The following ZBTB20 variants were observed in gnomAD, a reference collection of about 807,000 sequenced individuals.
ZBTB20 encodes the protein zinc finger and BTB domain-containing protein 20.
ZBTB20 carries 9 observed loss-of-function variants against 56.9 expected under a neutral mutation model. The observed-to-expected ratio is 0.16, with a 90% CI of 0.10 to 0.28. The LOEUF (loss-of-function observed/expected upper bound fraction) is 0.28, where lower values mean the gene tolerates loss of function less well. Ranked by LOEUF, ZBTB20 falls within the 10% of genes least tolerant of loss-of-function variation. The pLI, the probability that ZBTB20 is intolerant of heterozygous loss-of-function variation, is 1.00. For synonymous variants in ZBTB20, 417 were observed against 420.7 expected, an observed-to-expected ratio of 0.99 and a Z score of 0.11; for missense variants, 655 against 1,003.0, an observed-to-expected ratio of 0.65 and a Z score of 4.69.
chr3:115,029,822 T>C lies in ZBTB20; in HGVS notation c.-507+41397A>G, dbSNP rs193147874. Among the ~76,000 whole-genome samples, 122 of 151,038 alleles carry C rather than the reference T, an allele frequency of 8.1e-4. No homozygotes were observed. The East Asian group carries it at 0.02, about 24-fold the overall frequency. On this transcript the variant is annotated intron_variant, in intron 2 of 11. Coordinates refer to ENST00000675478, the MANE Select transcript of ZBTB20 (RefSeq NM_001348800.3). ...AAATACAGAAGAATTTTTAATCTTA[T>C]CTTGGGTTGGAGAAGGTCTTCCTAA...
At chr3:114,423,376 A>G (rs1429167026) in intron 7 of ZBTB20, among the ~76,000 whole-genome samples, 3 of 152,252 alleles carry the variant, frequency 2.0e-5, no homozygotes, top group African/African-American at 7.2e-5. Flanking sequence ...ATAAAAGTTA[A>G]CAAAGAAGTT....
intron 10 of ZBTB20, among the ~76,000 whole-genome samples, chr3:114,362,451 T>A (rs912515583): frequency 1.3e-5 from 2 of 152,214 alleles, no homozygotes; most frequent in African/African-American, 4.8e-5. Flanking sequence ...AGTGGGAACC[T>A]CAGGGCGCAC....
intron 6 of ZBTB20, among the ~76,000 whole-genome samples, chr3:114,678,824 T>C (rs992738078): frequency 6.6e-6 from 1 of 152,188 alleles, no homozygotes; most frequent in Non-Finnish European, 1.5e-5. Context: ...ATCTATTATG[T>C]GCTAGGCCTT....
At chr3:114,899,234 GAA>G (rs759287966) in intron 4 of ZBTB20, among the ~76,000 whole-genome samples, 5 of 151,912 alleles carry the variant, frequency 3.3e-5, no homozygotes, top group African/African-American at 4.8e-5. Flanking sequence ...AACAGCAACA[GAA>G]ACACATGCAC....
At chr3:115,018,563 A>C (rs993706741) in intron 2 of ZBTB20, among the ~76,000 whole-genome samples, 3 of 151,430 alleles carry the variant, frequency 2.0e-5, no homozygotes, top group South Asian at 4.1e-4. Context: ...ATTTAGATTG[A>C]TATGTTCCCA....
At chr3:114,692,413 T>C (rs7356016) in intron 6 of ZBTB20, among the ~76,000 whole-genome samples, 2 of 152,160 alleles carry the variant, frequency 1.3e-5, no homozygotes, top group African/African-American at 4.8e-5. Context: ...CTATGGATTA[T>C]GCACAATGGA....
At chr3:114,589,882 A>G (rs1245612077) in intron 6 of ZBTB20, among the ~76,000 whole-genome samples, 1 of 152,170 alleles carries the variant, frequency 6.6e-6, no homozygotes. Flanking sequence ...AATTGATGGT[A>G]TATTTTTCCA....
chr3:114,766,899 T>C (rs911025019), intron 5 of ZBTB20, among the ~76,000 whole-genome samples: 2 of 151,990 alleles, frequency 1.3e-5, no homozygotes, highest in African/African-American at 2.4e-5. Context: ...TCATTCTCTC[T>C]AAAGAAAATA....
intron 4 of ZBTB20, among the ~76,000 whole-genome samples, chr3:114,823,820 A>G (rs1229213956): frequency 3.9e-5 from 6 of 152,054 alleles, no homozygotes; most frequent in Non-Finnish European, 7.4e-5. Flanking sequence ...CAATAAAACA[A>G]TTTTGTCAAT....
chr3:114,612,501 G>A (rs926080554), intron 6 of ZBTB20, among the ~76,000 whole-genome samples: 4 of 151,690 alleles, frequency 2.6e-5, no homozygotes, highest in East Asian at 1.9e-4. Context: ...TTTCTCCATC[G>A]TTTTATTAAA....
chr3:114,340,535 G>A (rs973247023), intron 11 of ZBTB20, among the ~76,000 whole-genome samples: 7 of 152,208 alleles, frequency 4.6e-5, no homozygotes, highest in Admixed American at 1.3e-4. Flanking sequence ...AAACAGTAAG[G>A]TAAATAATAA....
chr3:114,830,358 T>TACA (rs1407051462), intron 4 of ZBTB20, among the ~76,000 whole-genome samples: 1 of 151,988 alleles, frequency 6.6e-6, no homozygotes, highest in Non-Finnish European at 1.5e-5. Flanking sequence ...AAGCTTCCTT[T>TACA]ACAAGGACTT....
At chr3:114,794,955 A>G (rs1272251502) in intron 5 of ZBTB20, among the ~76,000 whole-genome samples, 1 of 152,132 alleles carries the variant, frequency 6.6e-6, no homozygotes, top group African/African-American at 2.4e-5. Context: ...AATACATTCT[A>G]GGAACAAAAC....
intron 7 of ZBTB20, among the ~76,000 whole-genome samples, chr3:114,463,811 C>T (rs771497158): frequency 6.6e-5 from 10 of 152,126 alleles, no homozygotes; most frequent in Admixed American, 2.0e-4. Context: ...AATTGAATTT[C>T]GCCTAAGTTG....
Position 115,125,800 on chromosome 3 carries a change from ATGT to A in ZBTB20, c.-703+21416_-703+21418del, listed in dbSNP as rs886422544. Reference sequence around the variant, plus strand: ...CATAATGTAAATGTATTCTAAAATAATGTTGTACATTAATGCACATAATTGTTG... The same window carrying A: ...CATAATGTAAATGTATTCTAAAATAATGTACATTAATGCACATAATTGTTG... On this transcript the variant is annotated intron_variant, in intron 1 of 11. Transcript: ENST00000675478. 3.5e-4 allele frequency among the ~76,000 whole-genome samples: 53 copies of A among 152,336 alleles called. 1 individual carries two copies. The highest frequency in any genetic ancestry group is 1.1e-3 in the Admixed American group (17 of 15,296).
chr3:114,380,900 T>A lies in ZBTB20; in HGVS notation c.-113A>T. ...GTGCCTCTAACTTGCTGTGTGGCCT[T>A]GGGCACCTCACTTCACCTCTCTGGG... On this transcript the variant is annotated 5_prime_UTR_variant, in exon 9 of 12. Coordinates refer to ENST00000675478, the MANE Select transcript of ZBTB20 (RefSeq NM_001348800.3). 2 of 918,310 alleles carry A rather than the reference T, an allele frequency of 2.2e-6. No individual in the cohort carries two copies. Among genetic ancestry groups the A allele is most frequent in the Non-Finnish European group, 3.0e-6 (2 of 662,930 alleles). The allele number at this position is 918,310 out of a possible 1,614,324, so 56.9% of individuals were successfully genotyped here.
intron 4 of ZBTB20, among the ~76,000 whole-genome samples, chr3:114,870,386 T>A (rs906739185): frequency 6.6e-6 from 1 of 150,384 alleles, no homozygotes; most frequent in Non-Finnish European, 1.5e-5. Context: ...ATTAGGGCCA[T>A]CTTGAGAGGA....
chr3:114,799,616 G>T (rs1313340797), intron 5 of ZBTB20, among the ~76,000 whole-genome samples: 1 of 151,946 alleles, frequency 6.6e-6, no homozygotes, highest in Non-Finnish European at 1.5e-5. Flanking sequence ...CCAAGGGTTA[G>T]AAATTACAAA....
intron 2 of ZBTB20, among the ~76,000 whole-genome samples, chr3:115,062,379 CA>C (rs1201983344): frequency 4.6e-5 from 7 of 152,170 alleles, no homozygotes; most frequent in African/African-American, 1.7e-4. Flanking sequence ...GTTCTTTCTT[CA>C]TTTCTTCTCT....
Sources: gnomAD v4.1 joint callset for allele counts (sites outside exome capture counted in the v4.1 genomes callset) on GRCh38, gnomAD v4.1.1 for gene constraint, MANE v1.5 for transcripts, NCBI Gene and HGNC (gene_info 2026-07-23, HGNC 2026-07-21) for gene names.